TG: variants seen among roughly 807,000 people sequenced by gnomAD.
The protein encoded by TG is thyroid hormones.
TG carries 270 observed loss-of-function variants against 324.7 expected under a neutral mutation model. That is an observed-to-expected ratio of 0.83 (90% CI 0.75 to 0.92). TG has a LOEUF of 0.92. Ranked by LOEUF, TG falls within the 40% of genes least tolerant of loss-of-function variation. TG has a pLI of 0.00. For synonymous variants in TG, 1,401 were observed against 1,327.0 expected, an observed-to-expected ratio of 1.06 and a Z score of -1.21; for missense variants, 3,591 against 3,456.4, an observed-to-expected ratio of 1.04 and a Z score of -0.98.
chr8:132,901,536 G>A lies in TG; in HGVS notation c.3617G>A (p.Gly1206Asp), dbSNP rs926456581. The change falls in exon 16 of 48, where the codon GGC becomes GAC. Residue 1206 changes from glycine (G) to aspartate (D), a missense_variant. By Grantham distance (94) the Gly-to-Asp change is moderately conservative. Transcript: ENST00000220616. ...GTGCCTGGGACGCGCGTGACCGGGGGCCAGCCCGCCTGTGAGAGTAAGTCA... is the reference window on the plus strand; with the variant it reads ...GTGCCTGGGACGCGCGTGACCGGGGACCAGCCCGCCTGTGAGAGTAAGTCA... ...EEVPGTRVTG[G>D]QPACESPRCP... The A allele has an allele frequency of 9.9e-6, 16 of 1,613,174 alleles. No homozygotes were observed. The highest frequency in any genetic ancestry group is 1.4e-5 in the Non-Finnish European group (16 of 1,179,904).
chr8:133,035,671 G>T (rs10098314), intron 41 of TG, among the ~76,000 whole-genome samples: 13,859 of 151,996 alleles, frequency 0.091, 805 homozygotes, highest in Middle Eastern at 0.13. Flanking sequence ...TGTTCCTTTT[G>T]CACATCTCTC....
chr8:133,078,087 C>T (rs1845179600), intron 41 of TG, among the ~76,000 whole-genome samples: 2 of 152,212 alleles, frequency 1.3e-5, no homozygotes, highest in South Asian at 2.1e-4. Flanking sequence ...TCTGCCTGTG[C>T]TCTCTGGTAC....
chr8:132,900,655 T>C (rs1435507369), intron 15 of TG, among the ~76,000 whole-genome samples: 3 of 152,184 alleles, frequency 2.0e-5, no homozygotes, highest in African/African-American at 7.2e-5. Flanking sequence ...GGCCCTGCCG[T>C]CTGGTTTCCG....
At chr8:132,942,121 A>C (rs1349957944) in intron 26 of TG, among the ~76,000 whole-genome samples, 1 of 152,198 alleles carries the variant, frequency 6.6e-6, no homozygotes, top group Non-Finnish European at 1.5e-5. Flanking sequence ...TGTACTCAGC[A>C]GTGTAGCCTA....
rs142849486 is a variant in TG at position 132,886,544 on chromosome 8, C to T, written c.1172C>T (p.Ser391Phe). The T allele has an allele frequency of 1.9e-6, 3 of 1,614,202 alleles. No individual in the cohort carries two copies. Among genetic ancestry groups the T allele is most frequent in the South Asian group, 2.2e-5 (2 of 91,072 alleles). ...TTCAGCCAGCACGACCTGTTCTCTT[C>T]CCCAGAGAAAAGATGGGCCTCTCCA... ...GYFSQHDLFS[S>F]PEKRWASPRV... is the part of the protein sequence containing the mutation. Residue 391 changes from serine (S) to phenylalanine (F), a missense_variant, in exon 9 of 48, where the codon TCC (serine) becomes TTC (phenylalanine). Transcript: ENST00000220616.
chr8:132,940,021 T>C (rs1274402837), intron 25 of TG, among the ~76,000 whole-genome samples: 1 of 152,066 alleles, frequency 6.6e-6, no homozygotes, highest in East Asian at 1.9e-4. Flanking sequence ...GAGGATTACT[T>C]ATTATCATCC....
chr8:133,042,064 G>A lies in TG; in HGVS notation c.7239+12041G>A, dbSNP rs559670087. Among the ~76,000 whole-genome samples the A allele has an allele frequency of 2.7e-4, 41 of 152,172 alleles. No homozygotes were observed. The East Asian group carries it at 4.1e-3, about 15-fold the overall frequency. The stretch of plus-strand genomic sequence containing the variant: ...AGCCTCCCAAAGTGCTGGGATTACA[G>A]GTGTGAGCCACCACACCCGGCTGTC... On this transcript the variant is annotated intron_variant, in intron 41 of 47. Transcript: ENST00000220616.
In TG at chr8:132,919,465, T is replaced by C. The variant is rs1394584499; in HGVS notation, c.4468T>C (p.Cys1490Arg). 6.2e-7 allele frequency: 1 copy of C among 1,614,042 alleles called. No homozygotes were observed. The highest frequency in any genetic ancestry group is 1.3e-5 in the African/African-American group (1 of 74,924). The change falls in exon 21 of 48, where the codon TGT becomes CGT. Residue 1490 changes from cysteine to arginine, a missense_variant. Coordinates refer to ENST00000220616, the MANE Select transcript of TG (RefSeq NM_003235.5). ...FYQEQAGSLA[C>R]VPCPVGRTTI... Reference sequence around the variant, plus strand: ...CCAAGAACAGGCAGGGAGCTTGGCCTGTGTCCCATGTCCTGTGGGCAGAAC... The same window carrying C: ...CCAAGAACAGGCAGGGAGCTTGGCCCGTGTCCCATGTCCTGTGGGCAGAAC...
At chr8:132,920,852 T>A (rs1488832597) in intron 21 of TG, among the ~76,000 whole-genome samples, 1 of 152,210 alleles carries the variant, frequency 6.6e-6, no homozygotes, top group East Asian at 1.9e-4. Context: ...GATAACTCAC[T>A]CACAGGGTGG....
chr8:133,113,331 G>A, intron 43 of TG, 91 bp from the exon 44 acceptor site: 9 of 1,501,330 alleles, frequency 6.0e-6, no homozygotes, highest in Non-Finnish European at 8.3e-6. Flanking sequence ...CTGCTTCCCA[G>A]AGAGAAAATT....
At position 132,900,303 on chromosome 8, in the gene TG, G is replaced by A. The variant is rs375727924; in HGVS notation, c.3397G>A (p.Glu1133Lys). 60 of 1,613,828 alleles carry A rather than the reference G, an allele frequency of 3.7e-5. No homozygotes were observed. Among genetic ancestry groups the A allele is most frequent in the Middle Eastern group, 1.7e-4 (1 of 6,036 alleles). The change falls in exon 15 of 48, where the codon GAA (glutamate) becomes AAA (lysine). Residue 1133 changes from glutamate (E) to lysine (K), a missense_variant. Glu to Lys is a moderately conservative substitution (Grantham distance 56). Coordinates refer to ENST00000220616, the MANE Select transcript of TG (RefSeq NM_003235.5). ...GTWCVDPASG[E>K]ELRPGSSSSA... Reference sequence around the variant, plus strand: ...CTGGTGTGTGGACCCTGCATCAGGAGAAGAGTTGCGGCCTGGCTCGAGCAG... The same window carrying A: ...CTGGTGTGTGGACCCTGCATCAGGAAAAGAGTTGCGGCCTGGCTCGAGCAG...
intron 25 of TG, among the ~76,000 whole-genome samples, chr8:132,939,331 G>A (rs889276801): frequency 7.2e-5 from 11 of 152,168 alleles, no homozygotes; most frequent in African/African-American, 2.7e-4. Flanking sequence ...TCAAACACTG[G>A]AGAATCACAT....
At chr8:132,867,793 G>A (rs914871171) in intron 1 of TG, among the ~76,000 whole-genome samples, 6 of 151,982 alleles carry the variant, frequency 3.9e-5, no homozygotes, top group African/African-American at 7.2e-5. Context: ...GGGGGCGGGC[G>A]GGGAACGTGT....
chr8:132,928,932 C>T, intron 22 of TG, 144 bp from the exon 23 acceptor site: 2 of 728,204 alleles, frequency 2.7e-6, no homozygotes, highest in Non-Finnish European at 5.0e-6. Context: ...AGCTACCTTA[C>T]AAAGGAATTG....
intron 35 of TG, chr8:132,995,450 A>G (rs919623452): frequency 1.0e-6 from 1 of 985,320 alleles, no homozygotes; most frequent in Non-Finnish European, 1.2e-6. Flanking sequence ...AGTTCCCTAC[A>G]GTTCACCCAT....
At position 133,089,167 on chromosome 8, in the gene TG, C is replaced by G. The variant is rs551750550; in HGVS notation, c.7240-5877C>G. ...TACAAGTCACCGATGGGCTCCCTGACTCAGATGCTCCCCACTCCAGTCCAT... is the reference window on the plus strand; with the variant it reads ...TACAAGTCACCGATGGGCTCCCTGAGTCAGATGCTCCCCACTCCAGTCCAT... On this transcript the variant is annotated intron_variant, in intron 41 of 47. Transcript: ENST00000220616. Among the ~76,000 whole-genome samples the G allele has an allele frequency of 5.9e-5, 9 of 152,360 alleles. No homozygotes were observed. The South Asian group carries it at 1.9e-3, about 32-fold the overall frequency.
rs533140471 is a variant in TG, at chr8:132,913,053, C to A, written c.4166C>A (p.Ala1389Asp). 6.2e-7 allele frequency: 1 copy of A among 1,614,074 alleles called. No homozygotes were observed. Among genetic ancestry groups the A allele is most frequent in the Admixed American group, 1.7e-5 (1 of 60,008 alleles). Reference protein sequence around the residue: ...SLPDLHDIERALVGKDLLGRF... With the variant: ...SLPDLHDIERDLVGKDLLGRF... ...CTTATCCTGTGTCTTACAGAGAGAG[C>A]CTTGGTGGGCAAGGATCTCCTTGGG... Residue 1389 changes from alanine (A) to aspartate (D), a missense_variant, in exon 20 of 48, where the codon GCC (alanine) becomes GAC (aspartate). Physicochemically the swap from Ala to Asp is moderately radical, Grantham distance 126. Coordinates refer to ENST00000220616, the MANE Select transcript of TG (RefSeq NM_003235.5).
intron 37 of TG, 175 bp from the exon 38 acceptor site, chr8:133,017,603 A>G (rs1835154472): frequency 1.5e-6 from 1 of 678,082 alleles, no homozygotes; most frequent in South Asian, 1.8e-5. Flanking sequence ...TTGTTTGTTT[A>G]CATTGAAAAC....
At chr8:132,882,197 C>T (rs1377151411) in intron 6 of TG, among the ~76,000 whole-genome samples, 1 of 152,198 alleles carries the variant, frequency 6.6e-6, no homozygotes, top group Non-Finnish European at 1.5e-5. Context: ...AAAGAAGTGC[C>T]CCGCTCTGGG....
Sources: gnomAD v4.1 joint callset for allele counts (sites outside exome capture counted in the v4.1 genomes callset) on GRCh38, gnomAD v4.1.1 for gene constraint, MANE v1.5 for transcripts, NCBI Gene and HGNC (gene_info 2026-07-23, HGNC 2026-07-21) for gene names.